SORBS2: variants seen among roughly 807,000 people sequenced by gnomAD.
The protein encoded by SORBS2 is sorbin and SH3 domain containing 2, also known as sorbin and SH3 domain-containing protein 2.
In SORBS2, 46 loss-of-function variants were observed where a neutral mutation model predicts 97.7. The observed-to-expected ratio is 0.47, with a 90% CI of 0.37 to 0.60. The LOEUF is 0.60. Ranked by LOEUF, SORBS2 falls within the 20% of genes least tolerant of loss-of-function variation. The pLI, the probability that SORBS2 is intolerant of heterozygous loss-of-function variation, is 0.00. For synonymous variants in SORBS2, 476 were observed against 473.4 expected, an observed-to-expected ratio of 1.01 and a Z score of -0.07; for missense variants, 1,316 against 1,282.3, an observed-to-expected ratio of 1.03 and a Z score of -0.40.
chr4:185,595,690 C>T (rs555427227), intron 12 of SORBS2, among the ~76,000 whole-genome samples: 9 of 151,380 alleles, frequency 5.9e-5, no homozygotes, highest in South Asian at 2.1e-4. Flanking sequence ...TGTTCTCCCA[C>T]GTGTGTCTAC....
intron 1 of SORBS2, among the ~76,000 whole-genome samples, chr4:185,833,126 A>G (rs1328593829): frequency 6.6e-6 from 1 of 152,226 alleles, no homozygotes; most frequent in African/African-American, 2.4e-5. Context: ...TCCAAAGAAC[A>G]AAAGATAAGT....
At position 185,903,029 on chromosome 4, in the gene SORBS2, T is replaced by TG. The variant is rs2099248563; in HGVS notation, c.-338+53166dup. ...GAGAAAACTAAAAGCACTGATTCCA[T>TG]GGGGTGCTGTGAGTATTAAGTCCAT... On this transcript the variant is annotated intron_variant, in intron 1 of 20. Coordinates refer to the SORBS2 transcript ENST00000284776. Among the ~76,000 whole-genome samples, 6 of 152,156 alleles carry TG rather than the reference T, an allele frequency of 3.9e-5. No individual in the cohort carries two copies. The South Asian group carries it at 1.2e-3, about 32-fold the overall frequency.
In SORBS2 at chr4:185,794,457, A is replaced by G. The variant is rs1217428698; in HGVS notation, c.-337-19091T>C. Among the ~76,000 whole-genome samples, 4 of 152,348 alleles carry G rather than the reference A, an allele frequency of 2.6e-5. No homozygotes were observed. The East Asian group carries it at 7.7e-4, about 29-fold the overall frequency. Reference sequence around the variant, plus strand: ...CAGGGGAGTTGCAGTCACAGCCACAAATATAAAAATCTAAATAAGGTGTCT... The same window carrying G: ...CAGGGGAGTTGCAGTCACAGCCACAGATATAAAAATCTAAATAAGGTGTCT... On this transcript the variant is annotated intron_variant, in intron 1 of 20. Transcript: ENST00000284776.
intron 2 of SORBS2, among the ~76,000 whole-genome samples, chr4:185,710,515 C>A (rs1471059078): frequency 6.6e-6 from 1 of 152,240 alleles, no homozygotes; most frequent in East Asian, 1.9e-4. Context: ...CACTCCCCCC[C>A]AAATTTTGAA....
chr4:185,603,212 C>T (rs1376929062), intron 12 of SORBS2, among the ~76,000 whole-genome samples: 2 of 152,110 alleles, frequency 1.3e-5, no homozygotes, highest in Middle Eastern at 3.4e-3. Context: ...GCTACTTTCC[C>T]TCTTATTGAC....
chr4:185,800,297 C>T (rs974316848), intron 1 of SORBS2, among the ~76,000 whole-genome samples: 17 of 152,154 alleles, frequency 1.1e-4, no homozygotes, highest in Admixed American at 3.9e-4. Flanking sequence ...ATCTCACCTG[C>T]GTCAGACTTT....
intron 1 of SORBS2, among the ~76,000 whole-genome samples, chr4:185,900,020 A>AG (rs1338361596): frequency 6.6e-6 from 1 of 152,170 alleles, no homozygotes; most frequent in African/African-American, 2.4e-5. Flanking sequence ...AAGGAGGCTG[A>AG]GGAAGGAAGA....
chr4:185,611,777 T>C lies in SORBS2; in HGVS notation c.2796+3A>G. The stretch of plus-strand genomic sequence containing the variant: ...ACATTAACATGATAGAGTATGTTCT[T>C]ACCTTATTTGAGCTCAAGCTGTGAA... On this transcript the variant is annotated splice_donor_region_variant and intron_variant, in intron 12 of 14. Transcript: ENST00000418609. 2 of 1,612,182 alleles carry C rather than the reference T, an allele frequency of 1.2e-6. No individual in the cohort carries two copies. Among genetic ancestry groups the C allele is most frequent in the African/African-American group, 1.3e-5 (1 of 75,020 alleles).
intron 12 of SORBS2, among the ~76,000 whole-genome samples, chr4:185,595,585 T>G (rs907093895): frequency 6.6e-6 from 1 of 152,168 alleles, no homozygotes; most frequent in African/African-American, 2.4e-5. Context: ...AGAAGTAAGA[T>G]TTGTATACAT....
intron 1 of SORBS2, among the ~76,000 whole-genome samples, chr4:185,908,323 T>TATA (rs1579431419): frequency 1.3e-4 from 13 of 103,670 alleles, no homozygotes; most frequent in Non-Finnish European, 2.1e-4. Context: ...ATATATATAT[T>TATA]TGTATACACA....
At chr4:185,874,318 G>A (rs1166026517) in intron 1 of SORBS2, among the ~76,000 whole-genome samples, 1 of 152,070 alleles carries the variant, frequency 6.6e-6, no homozygotes, top group Non-Finnish European at 1.5e-5. Context: ...TGCATAACTC[G>A]AGGAGAAAAG....
At chr4:185,743,429 G>A (rs937453373) in intron 2 of SORBS2, among the ~76,000 whole-genome samples, 7 of 152,086 alleles carry the variant, frequency 4.6e-5, no homozygotes, top group South Asian at 2.1e-4. Flanking sequence ...ATAGCCCTTC[G>A]GAAGCAAAAG....
At chr4:185,700,058 G>A (rs996027528) in intron 2 of SORBS2, among the ~76,000 whole-genome samples, 1 of 151,936 alleles carries the variant, frequency 6.6e-6, no homozygotes, top group Non-Finnish European at 1.5e-5. Flanking sequence ...ACACACGAGA[G>A]GGGAATAGGT....
At chr4:185,843,998 T>C (rs1309123448) in intron 1 of SORBS2, among the ~76,000 whole-genome samples, 3 of 152,186 alleles carry the variant, frequency 2.0e-5, no homozygotes, top group Non-Finnish European at 2.9e-5. Context: ...TTGAAGACTG[T>C]ACACTCTATG....
chr4:185,768,707 AAAAAC>A (rs1560905030), intron 2 of SORBS2, among the ~76,000 whole-genome samples: 5 of 105,852 alleles, frequency 4.7e-5, no homozygotes, highest in South Asian at 2.9e-4. Flanking sequence ...TCAAAAAAAA[AAAAAC>A]AAAAAAACAA....
chr4:185,811,964 T>G (rs1264080030), intron 1 of SORBS2: 1 of 152,254 alleles, frequency 6.6e-6, no homozygotes, highest in Non-Finnish European at 1.5e-5. Flanking sequence ...AAAGCTTGCC[T>G]TCCCAAGACA....
chr4:185,902,868 C>A lies in SORBS2; in HGVS notation c.-338+53328G>T, dbSNP rs10025591. On this transcript the variant is annotated intron_variant, in intron 1 of 20. Transcript: ENST00000284776. ...CTGGGATTCATCCAATATTCCCAACCGTGATGTTAATTCTATGGCAAAGTA... is the reference window on the plus strand; with the variant it reads ...CTGGGATTCATCCAATATTCCCAACAGTGATGTTAATTCTATGGCAAAGTA... Among the ~76,000 whole-genome samples the A allele has an allele frequency of 9.8e-3, 1,497 of 152,230 alleles. 31 individuals carry two copies. Among genetic ancestry groups the A allele is most frequent in the African/African-American group, 0.034 (1,430 of 41,534 alleles).
intron 2 of SORBS2, among the ~76,000 whole-genome samples, chr4:185,766,829 A>G (rs927115479): frequency 6.6e-6 from 1 of 152,220 alleles, no homozygotes; most frequent in Non-Finnish European, 1.5e-5. Flanking sequence ...CCAACATGCA[A>G]TGCCTTAAAA....
At chr4:185,942,234 G>T (rs1414363578) in intron 1 of SORBS2, among the ~76,000 whole-genome samples, 1 of 152,188 alleles carries the variant, frequency 6.6e-6, no homozygotes, top group Non-Finnish European at 1.5e-5. Context: ...TGGGAAGAAA[G>T]AATTTGTAGA....
Sources: gnomAD v4.1 joint callset for allele counts (sites outside exome capture counted in the v4.1 genomes callset) on GRCh38, gnomAD v4.1.1 for gene constraint, MANE v1.5 for transcripts, NCBI Gene and HGNC (gene_info 2026-07-23, HGNC 2026-07-21) for gene names.